Variants in PCDH9 observed in about 807,000 individuals in gnomAD.
The protein encoded by PCDH9 is protocadherin-9.
A neutral mutation model predicts 70.6 loss-of-function variants in PCDH9; 24 were observed. The observed-to-expected ratio is 0.34, with a 90% CI of 0.25 to 0.48. PCDH9 has a LOEUF of 0.48. Among genes scored for constraint, PCDH9 ranks in the 20% least tolerant of loss-of-function variants. The pLI is 0.99. For synonymous variants in PCDH9, 562 were observed against 558.5 expected, an observed-to-expected ratio of 1.01 and a Z score of -0.09; for missense variants, 1,281 against 1,503.6, an observed-to-expected ratio of 0.85 and a Z score of 2.45.
chr13:66,810,120 G>C (rs993522457), intron 3 of PCDH9, among the ~76,000 whole-genome samples: 1 of 152,070 alleles, frequency 6.6e-6, no homozygotes. Context: ...AAACCATGTG[G>C]ACATAATCCA....
At position 67,225,778 on chromosome 13, in the gene PCDH9, T is replaced by G; in HGVS notation, c.2663A>C (p.Glu888Ala). Residue 888 changes from glutamate (E) to alanine (A), a missense_variant, in exon 2 of 5, where the codon GAA (glutamate) becomes GCA (alanine). Glu to Ala is a moderately radical substitution (Grantham distance 107). This residue lies in a region of PCDH9 where 207 missense variants were observed against 191.8 expected (regional missense o/e 1.08). Transcript: ENST00000377865. ...KSSLLNFVTI[E>A]ESKPDDAVHE... ...AACTGCATCATCGGGTTTGGACTCT[T>G]CGATAGTAACAAAGTTCAAAAGAGA... 1.2e-6 allele frequency: 2 copies of G among 1,614,204 alleles called. No homozygotes were observed. The highest frequency in any genetic ancestry group is 1.7e-6 in the Non-Finnish European group (2 of 1,180,028).
intron 2 of PCDH9, among the ~76,000 whole-genome samples, chr13:67,085,097 C>A (rs1026762432): frequency 1.4e-5 from 2 of 142,808 alleles, no homozygotes; most frequent in Admixed American, 7.1e-5. Flanking sequence ...GTAACATATA[C>A]CCTAACTGTT....
At chr13:66,813,469 G>T (rs1167975409) in intron 3 of PCDH9, among the ~76,000 whole-genome samples, 1 of 150,708 alleles carries the variant, frequency 6.6e-6, no homozygotes. Context: ...GAGGGAGGAA[G>T]GGAAGAAGGA....
At chr13:66,871,828 C>CA (rs2081694633) in intron 3 of PCDH9, among the ~76,000 whole-genome samples, 1 of 151,822 alleles carries the variant, frequency 6.6e-6, no homozygotes, top group South Asian at 2.1e-4. Context: ...ATTTCATTAC[C>CA]ACCCCCCCCT....
At chr13:66,691,520 A>C (rs2078485587) in intron 3 of PCDH9, among the ~76,000 whole-genome samples, 1 of 152,176 alleles carries the variant, frequency 6.6e-6, no homozygotes, top group South Asian at 2.1e-4. Flanking sequence ...ACACAGTTAA[A>C]TTTAAAAATA....
chr13:67,029,837 A>C (rs1365017606), intron 2 of PCDH9, among the ~76,000 whole-genome samples: 1 of 152,120 alleles, frequency 6.6e-6, no homozygotes, highest in Non-Finnish European at 1.5e-5. Flanking sequence ...CATCTTTTCC[A>C]GGTAAATTTT....
intron 2 of PCDH9, among the ~76,000 whole-genome samples, chr13:66,985,170 C>T (rs775382795): frequency 1.5e-4 from 23 of 151,986 alleles, no homozygotes; most frequent in Admixed American, 3.3e-4. Context: ...TTCCATGGTT[C>T]CTATTGCAAG....
At chr13:66,332,644 C>T (rs1258145229) in intron 4 of PCDH9, among the ~76,000 whole-genome samples, 1 of 151,916 alleles carries the variant, frequency 6.6e-6, no homozygotes, top group South Asian at 2.1e-4. Context: ...GCACTGAGGT[C>T]TAGCCTCTCA....
intron 3 of PCDH9, among the ~76,000 whole-genome samples, chr13:66,696,383 GT>G (rs1177698088): frequency 2.0e-5 from 3 of 152,034 alleles, no homozygotes; most frequent in Admixed American, 6.6e-5. Flanking sequence ...ATTAATCTGT[GT>G]TTTTTTATTT....
chr13:67,032,467 A>G (rs967905126), intron 2 of PCDH9, among the ~76,000 whole-genome samples: 1 of 152,162 alleles, frequency 6.6e-6, no homozygotes, highest in Non-Finnish European at 1.5e-5. Context: ...CCCGGTCAAC[A>G]TCACTCTTCG....
intron 3 of PCDH9, among the ~76,000 whole-genome samples, chr13:66,699,529 G>A (rs1172518669): frequency 6.6e-6 from 1 of 152,168 alleles, no homozygotes; most frequent in Non-Finnish European, 1.5e-5. Context: ...GAGACACAGA[G>A]AGAAAAGGGA....
intron 3 of PCDH9, among the ~76,000 whole-genome samples, chr13:66,644,818 A>G (rs1442188765): frequency 6.6e-6 from 1 of 152,104 alleles, no homozygotes; most frequent in Non-Finnish European, 1.5e-5. Context: ...ATAGCCATTT[A>G]AAAATATTTT....
At chr13:66,659,362 A>T (rs1193685617) in intron 3 of PCDH9, among the ~76,000 whole-genome samples, 1 of 152,184 alleles carries the variant, frequency 6.6e-6, no homozygotes, top group South Asian at 2.1e-4. Flanking sequence ...AAAAAGAGGT[A>T]AAACACCATT....
chr13:66,550,425 T>G (rs1349730274), intron 4 of PCDH9, among the ~76,000 whole-genome samples: 1 of 152,090 alleles, frequency 6.6e-6, no homozygotes, highest in Non-Finnish European at 1.5e-5. Flanking sequence ...TAGAAACATA[T>G]GTTATGGTTG....
intron 4 of PCDH9, among the ~76,000 whole-genome samples, chr13:66,465,598 C>G (rs1030120713): frequency 6.6e-6 from 1 of 151,802 alleles, no homozygotes; most frequent in African/African-American, 2.4e-5. Flanking sequence ...AAACTAACCA[C>G]AGCATTTCAG....
chr13:67,102,798 T>C (rs532722860), intron 2 of PCDH9, among the ~76,000 whole-genome samples: 143 of 152,224 alleles, frequency 9.4e-4, no homozygotes, highest in Admixed American at 3.2e-3. Flanking sequence ...ATACTACTGA[T>C]AAAATGAAAA....
intron 2 of PCDH9, among the ~76,000 whole-genome samples, chr13:67,156,624 A>G (rs1346155671): frequency 6.6e-6 from 1 of 152,094 alleles, no homozygotes; most frequent in East Asian, 1.9e-4. Flanking sequence ...TCATTCTCCA[A>G]GCCCACATGT....
At chr13:67,130,836 TG>T (rs952254170) in intron 2 of PCDH9, among the ~76,000 whole-genome samples, 5 of 152,204 alleles carry the variant, frequency 3.3e-5, no homozygotes, top group African/African-American at 1.2e-4. Flanking sequence ...GGCATTAGGC[TG>T]GTCCCCTACT....
At chr13:66,526,068 G>A (rs1960206032) in intron 4 of PCDH9, among the ~76,000 whole-genome samples, 1 of 152,058 alleles carries the variant, frequency 6.6e-6, no homozygotes, top group Admixed American at 6.6e-5. Flanking sequence ...TACATTCTTA[G>A]GGATGAGTTC....
Sources: allele counts gnomAD v4.1 joint callset (sites outside exome capture counted in the v4.1 genomes callset), GRCh38; gene constraint gnomAD v4.1.1; regional missense constraint gnomAD v4.1.1; transcripts MANE v1.5; gene names NCBI Gene and HGNC (gene_info 2026-07-23, HGNC 2026-07-21).